RORA: variants seen among roughly 807,000 people sequenced by gnomAD.
RORA encodes the protein nuclear receptor ROR-alpha.
Under a neutral mutation model 69.5 loss-of-function variants are expected in RORA, and 7 were observed. That is an observed-to-expected ratio of 0.10 (90% CI 0.06 to 0.19). The LOEUF (loss-of-function observed/expected upper bound fraction) is 0.19. RORA is among the 10% of genes least tolerant of loss of function. RORA has a pLI of 1.00. For synonymous variants in RORA, 261 were observed against 240.8 expected (o/e 1.08, Z -0.78); for missense variants, 457 against 663.0 (o/e 0.69, Z 3.41).
chr15:60,819,220 T>C (rs1567201813), intron 1 of RORA, among the ~76,000 whole-genome samples: 1 of 152,246 alleles, frequency 6.6e-6, no homozygotes, highest in Non-Finnish European at 1.5e-5. Context: ...ATAATGAGGA[T>C]GAAGATTCCG....
chr15:60,529,923 A>G (rs908316557), intron 3 of RORA: 5 of 152,218 alleles, frequency 3.3e-5, no homozygotes, highest in Non-Finnish European at 7.3e-5. Context: ...AGAGGAAGCC[A>G]TCAGTTTTTT....
intron 1 of RORA, among the ~76,000 whole-genome samples, chr15:61,044,299 T>TTC (rs1301810609): frequency 6.6e-6 from 1 of 152,170 alleles, no homozygotes; most frequent in African/African-American, 2.4e-5. Context: ...TGCCAGGCCC[T>TTC]TGGTATCACC....
At chr15:61,059,584 G>A (rs915701131) in intron 1 of RORA, among the ~76,000 whole-genome samples, 1 of 152,086 alleles carries the variant, frequency 6.6e-6, no homozygotes, top group Admixed American at 6.5e-5. Flanking sequence ...TTTGAGATAC[G>A]TTATTGCCAT....
intron 1 of RORA, among the ~76,000 whole-genome samples, chr15:60,816,965 C>T (rs940030354): frequency 6.6e-6 from 1 of 151,790 alleles, no homozygotes; most frequent in Non-Finnish European, 1.5e-5. Flanking sequence ...GTTATGATTG[C>T]CATTTGCAAA....
intron 2 of RORA, among the ~76,000 whole-genome samples, chr15:60,673,978 AG>A (rs1375053710): frequency 6.6e-6 from 1 of 152,192 alleles, no homozygotes; most frequent in Non-Finnish European, 1.5e-5. Flanking sequence ...TGTGAGTACT[AG>A]GTTATCCCTT....
At chr15:61,054,047 C>T (rs145397643) in intron 1 of RORA, among the ~76,000 whole-genome samples, 44 of 151,558 alleles carry the variant, frequency 2.9e-4, no homozygotes, top group African/African-American at 1.0e-3. Flanking sequence ...ATTTTTATCC[C>T]AAAGCTGCTG....
chr15:60,495,490 T>A lies in RORA; in HGVS notation c.*1965A>T, dbSNP rs905718743. 3 of 152,192 alleles carry A rather than the reference T, an allele frequency of 2.0e-5. No individual in the cohort carries two copies. The highest frequency in any genetic ancestry group is 7.2e-5 in the African/African-American group (3 of 41,444). The allele number at this position is 152,192 out of a possible 1,614,324, so 9.4% of individuals were successfully genotyped here. A position where few individuals can be genotyped will look rare whatever the true frequency, so the allele number is the denominator to read the frequency against. On this transcript the variant is annotated 3_prime_UTR_variant, in exon 11 of 11. Coordinates refer to ENST00000335670, the MANE Select transcript of RORA (RefSeq NM_134261.3). ...GAATAATACCTTCCCCTTTTCCAAG[T>A]CCCTCAAGAAACAAGTCAGAAAAGT... is the stretch of plus-strand genomic sequence containing the variant.
intron 1 of RORA, among the ~76,000 whole-genome samples, chr15:60,974,665 G>A (rs28575275): frequency 0.079 from 12,062 of 152,158 alleles, 703 homozygotes; most frequent in East Asian, 0.37. Flanking sequence ...CCTTGTAAGC[G>A]GACAGGTATA....
rs1228725297 is a variant in RORA at position 61,061,404 on chromosome 15, G to A, written c.166+167649C>T. ...AAATAAATAAATAAATAAATACAAGGGCATCGCAGGAAGTCCTGATGTCAA... is the reference window on the plus strand; with the variant it reads ...AAATAAATAAATAAATAAATACAAGAGCATCGCAGGAAGTCCTGATGTCAA... On this transcript the variant is annotated intron_variant, in intron 1 of 10. Coordinates refer to ENST00000335670, the MANE Select transcript of RORA (RefSeq NM_134261.3). This position sits in a 1 kb window ranked among gnomAD's most constrained non-coding sequence, Gnocchi z 4.4. Among the ~76,000 whole-genome samples, 1 of 119,390 alleles carries A rather than the reference G, an allele frequency of 8.4e-6. No homozygotes were observed. The highest frequency in any genetic ancestry group is 3.1e-5 in the African/African-American group (1 of 32,436). 78.3% of individuals were successfully genotyped at this position (119,390 alleles called of 152,430 possible). A position where few individuals can be genotyped will look rare whatever the true frequency, so the allele number is the denominator to read the frequency against.
intron 2 of RORA, among the ~76,000 whole-genome samples, chr15:60,543,489 T>C (rs970136507): frequency 1.3e-5 from 2 of 152,126 alleles, no homozygotes; most frequent in Non-Finnish European, 2.9e-5. Context: ...CTGTCTTTTT[T>C]TTTTCTTTAG....
intron 1 of RORA, among the ~76,000 whole-genome samples, chr15:60,805,994 G>C (rs756596904): frequency 2.6e-5 from 4 of 152,216 alleles, no homozygotes; most frequent in South Asian, 2.1e-4. Flanking sequence ...GAATCTGTAG[G>C]GGGTAGATTG....
chr15:61,226,808 C>A lies in RORA; in HGVS notation c.166+2245G>T, dbSNP rs1241276595. ...ATGTGAGTTGAGTGTTTGGGCCTTACCACCCCCCTCCCATTAAATCTTCCA... is the reference window on the plus strand; with the variant it reads ...ATGTGAGTTGAGTGTTTGGGCCTTAACACCCCCCTCCCATTAAATCTTCCA... On this transcript the variant is annotated intron_variant, in intron 1 of 10. Coordinates refer to ENST00000335670, the MANE Select transcript of RORA (RefSeq NM_134261.3). This position sits in a 1 kb window ranked among gnomAD's most constrained non-coding sequence, Gnocchi z 4.2. Among the ~76,000 whole-genome samples, 1 of 152,046 alleles carries A rather than the reference C, an allele frequency of 6.6e-6. No homozygotes were observed. The highest frequency in any genetic ancestry group is 2.4e-5 in the African/African-American group (1 of 41,376).
intron 1 of RORA, among the ~76,000 whole-genome samples, chr15:60,946,563 C>T (rs1013097052): frequency 2.0e-5 from 3 of 152,244 alleles, no homozygotes; most frequent in Non-Finnish European, 4.4e-5. Context: ...GTCTCATTCA[C>T]TCAGTGCTCA....
At position 60,511,133 on chromosome 15, in the gene RORA, T is replaced by C; in HGVS notation, c.820+93A>G. 3 of 1,363,202 alleles carry C rather than the reference T, an allele frequency of 2.2e-6. No homozygotes were observed. Among genetic ancestry groups the C allele is most frequent in the Non-Finnish European group, 3.0e-6 (3 of 996,586 alleles). The allele number at this position is 1,363,202 out of a possible 1,614,324, so 84.4% of individuals were successfully genotyped here. A position where few individuals can be genotyped will look rare whatever the true frequency, so the allele number is the denominator to read the frequency against. On this transcript the variant is annotated intron_variant, in intron 5 of 10. Transcript: ENST00000335670. The surrounding 1 kb of genome is among the most constrained non-coding windows in gnomAD (Gnocchi z 6.4). ...CAAATGGTAAAGGTGAATTGCATCA[T>C]TTAGCAGAACTCATTAGAGGAAAGT...
chr15:60,584,280 A>G (rs1281248909), intron 2 of RORA, among the ~76,000 whole-genome samples: 1 of 152,218 alleles, frequency 6.6e-6, no homozygotes, highest in East Asian at 1.9e-4. Context: ...TCTACTCTAC[A>G]GTTTCAGAAC....
intron 1 of RORA, among the ~76,000 whole-genome samples, chr15:60,942,571 G>A (rs932568495): frequency 6.6e-6 from 1 of 152,234 alleles, no homozygotes; most frequent in Non-Finnish European, 1.5e-5. Context: ...CATGTGAGCA[G>A]TGACCTGTAA....
rs2065049226 is a variant in RORA at position 60,492,009 on chromosome 15, G to A, written c.*5446C>T. 2.8e-5 allele frequency: 1 copy of A among 36,354 alleles called. No homozygotes were observed. Among genetic ancestry groups the A allele is most frequent in the South Asian group, 1.6e-3 (1 of 610 alleles). 2.3% of individuals were successfully genotyped at this position (36,354 alleles called of 1,614,324 possible). ...ACTTTATAAGAAGTGGCAATCACAT[G>A]TTATGTAAAAATGTCAACGTGTGTG... On this transcript the variant is annotated 3_prime_UTR_variant, in exon 11 of 11. Coordinates refer to ENST00000335670, the MANE Select transcript of RORA (RefSeq NM_134261.3).
chr15:60,592,661 AGGCG>A, intron 2 of RORA: 1 of 1,085,134 alleles, frequency 9.2e-7, no homozygotes. Context: ...GGCGGGAGGC[AGGCG>A]CGCCCCAGCG....
chr15:60,823,161 T>C (rs2072916631), intron 1 of RORA, among the ~76,000 whole-genome samples: 1 of 149,128 alleles, frequency 6.7e-6, no homozygotes, highest in Non-Finnish European at 1.5e-5. Context: ...TTTCTTTCAT[T>C]TTCTCCCTTC....
Sources: gnomAD v4.1 joint callset for allele counts (sites outside exome capture counted in the v4.1 genomes callset) on GRCh38, gnomAD v4.1.1 for gene constraint, Gnocchi (gnomAD v3.1) non-coding constraint, MANE v1.5 for transcripts, NCBI Gene and HGNC (gene_info 2026-07-23, HGNC 2026-07-21) for gene names.